The following LRRC4C variants were observed in gnomAD, a reference collection of about 807,000 sequenced individuals.
LRRC4C encodes leucine-rich repeat-containing protein 4C.
In LRRC4C, 5 loss-of-function variants were observed where a neutral mutation model predicts 33.6. The observed-to-expected ratio is 0.15, with a 90% CI of 0.08 to 0.31. The LOEUF (loss-of-function observed/expected upper bound fraction) is 0.31. Among genes scored for constraint, LRRC4C ranks in the 10% least tolerant of loss-of-function variants. The pLI is 1.00. For synonymous variants in LRRC4C, 329 were observed against 302.0 expected (o/e 1.09, Z -0.93); for missense variants, 560 against 796.7 (o/e 0.70, Z 3.58).
chr11:40,334,385 T>C (rs1946503976), intron 3 of LRRC4C, among the ~76,000 whole-genome samples: 1 of 151,668 alleles, frequency 6.6e-6, no homozygotes, highest in African/African-American at 2.4e-5. Context: ...AGGCTAGAGT[T>C]TGAGAAGGTT....
intron 1 of LRRC4C, among the ~76,000 whole-genome samples, chr11:41,449,480 A>C (rs1461490677): frequency 6.6e-6 from 1 of 152,160 alleles, no homozygotes; most frequent in East Asian, 1.9e-4. Context: ...GAGCAAAAAA[A>C]AATGTCCCTA....
chr11:40,126,328 T>C (rs1046965680), intron 6 of LRRC4C, among the ~76,000 whole-genome samples: 5 of 152,158 alleles, frequency 3.3e-5, no homozygotes, highest in Non-Finnish European at 7.3e-5. Context: ...TGTGACTATA[T>C]GTTACTAGTG....
chr11:40,703,287 C>A (rs1945970240), intron 2 of LRRC4C, among the ~76,000 whole-genome samples: 1 of 152,054 alleles, frequency 6.6e-6, no homozygotes. Context: ...CCTCATCTAA[C>A]TTTTATGGCA....
chr11:40,783,671 C>T (rs546510975), intron 2 of LRRC4C, among the ~76,000 whole-genome samples: 5 of 152,164 alleles, frequency 3.3e-5, no homozygotes, highest in Admixed American at 2.0e-4. Context: ...AGAAATTATA[C>T]ACTTGATTGC....
chr11:40,607,084 C>A (rs559622761), intron 3 of LRRC4C, among the ~76,000 whole-genome samples: 3 of 152,198 alleles, frequency 2.0e-5, no homozygotes, highest in African/African-American at 7.2e-5. Flanking sequence ...AAGAATACAA[C>A]AAAGCAAGAG....
At chr11:40,556,331 T>C (rs1053587094) in intron 3 of LRRC4C, among the ~76,000 whole-genome samples, 3 of 152,336 alleles carry the variant, frequency 2.0e-5, no homozygotes, top group Non-Finnish European at 4.4e-5. Flanking sequence ...TTTGTTATGA[T>C]AAATCTGAAG....
At chr11:41,245,811 A>G (rs1390135384) in intron 1 of LRRC4C, among the ~76,000 whole-genome samples, 1 of 152,146 alleles carries the variant, frequency 6.6e-6, no homozygotes, top group African/African-American at 2.4e-5. Flanking sequence ...CAAGGTGAAG[A>G]GGTGCTTTAT....
chr11:40,193,746 T>A (rs2135644129), intron 5 of LRRC4C, among the ~76,000 whole-genome samples: 1 of 152,144 alleles, frequency 6.6e-6, no homozygotes, highest in Admixed American at 6.5e-5. Flanking sequence ...AATAACCAGT[T>A]TAGGGAATGA....
At chr11:41,104,025 C>G (rs1407331422) in intron 1 of LRRC4C, among the ~76,000 whole-genome samples, 1 of 151,740 alleles carries the variant, frequency 6.6e-6, no homozygotes, top group Non-Finnish European at 1.5e-5. Context: ...AATATAGGAT[C>G]AAATCTTTGT....
rs540757126 is a variant in LRRC4C at position 40,394,279 on chromosome 11, G to T, written c.-269-74558C>A. Among the ~76,000 whole-genome samples the T allele has an allele frequency of 1.3e-3, 197 of 152,190 alleles. 2 individuals are homozygous for T. The highest frequency in any genetic ancestry group is 3.4e-3 in the Middle Eastern group (1 of 294). Reference sequence around the variant, plus strand: ...ATGCTAGCGAAAAAACACAGCTCTTGTTTGTATACACACAGTGAATCTTCC... The same window carrying T: ...ATGCTAGCGAAAAAACACAGCTCTTTTTTGTATACACACAGTGAATCTTCC... On this transcript the variant is annotated intron_variant, in intron 3 of 6. Coordinates refer to ENST00000528697, the MANE Select transcript of LRRC4C (RefSeq NM_001258419.2).
At chr11:41,047,663 C>G (rs964158694) in intron 1 of LRRC4C, among the ~76,000 whole-genome samples, 1 of 152,182 alleles carries the variant, frequency 6.6e-6, no homozygotes. Flanking sequence ...TCCAGAAATG[C>G]TCATGACTCC....
intron 1 of LRRC4C, among the ~76,000 whole-genome samples, chr11:41,391,883 G>T (rs1207034577): frequency 6.6e-6 from 1 of 151,870 alleles, no homozygotes; most frequent in African/African-American, 2.4e-5. Flanking sequence ...AAATTTTTAA[G>T]CATTGTAATA....
intron 2 of LRRC4C, among the ~76,000 whole-genome samples, chr11:40,912,809 A>G (rs1460135328): frequency 1.2e-4 from 18 of 151,974 alleles, no homozygotes; most frequent in Admixed American, 5.9e-4. Flanking sequence ...CCCATCTCAC[A>G]TGCAGAGACA....
chr11:41,080,198 A>G (rs1939460256), intron 1 of LRRC4C, among the ~76,000 whole-genome samples: 1 of 152,166 alleles, frequency 6.6e-6, no homozygotes. Flanking sequence ...TTTAAAAGAC[A>G]TATTCCAACT....
chr11:41,089,540 G>A (rs906071343), intron 1 of LRRC4C, among the ~76,000 whole-genome samples: 1 of 151,972 alleles, frequency 6.6e-6, no homozygotes, highest in East Asian at 1.9e-4. Flanking sequence ...CATTGCTCAA[G>A]CAATCTTCTA....
At chr11:40,653,246 A>C (rs2136162970) in intron 2 of LRRC4C, among the ~76,000 whole-genome samples, 1 of 152,338 alleles carries the variant, frequency 6.6e-6, no homozygotes, top group South Asian at 2.1e-4. Context: ...AAGTTGGAAC[A>C]GTTTGGAGGG....
chr11:40,515,028 T>G (rs535993094), intron 3 of LRRC4C, among the ~76,000 whole-genome samples: 1 of 152,222 alleles, frequency 6.6e-6, no homozygotes, highest in Non-Finnish European at 1.5e-5. Context: ...AACCAAGAAG[T>G]GAAAATGATT....
At chr11:41,368,421 C>A (rs1172297994) in intron 1 of LRRC4C, among the ~76,000 whole-genome samples, 1 of 152,176 alleles carries the variant, frequency 6.6e-6, no homozygotes, top group African/African-American at 2.4e-5. Flanking sequence ...CCAGGACATC[C>A]AACATCTCTT....
intron 2 of LRRC4C, among the ~76,000 whole-genome samples, chr11:40,726,834 T>C (rs1044058453): frequency 6.6e-6 from 1 of 152,182 alleles, no homozygotes; most frequent in Non-Finnish European, 1.5e-5. Flanking sequence ...TTATTGATGA[T>C]ATAATTCTGT....
Sources: allele counts gnomAD v4.1 joint callset (sites outside exome capture counted in the v4.1 genomes callset), GRCh38; gene constraint gnomAD v4.1.1; transcripts MANE v1.5; gene names NCBI Gene and HGNC (gene_info 2026-07-23, HGNC 2026-07-21).